The following AKAP13 variants were observed in gnomAD, a reference collection of about 807,000 sequenced individuals.
AKAP13 encodes A-kinase anchor protein 13.
In AKAP13, 80 loss-of-function variants were observed where a neutral mutation model predicts 264.5. The ratio of observed to expected loss-of-function variants is 0.30; its 90% CI spans 0.25 to 0.36. The LOEUF (loss-of-function observed/expected upper bound fraction) is 0.36. AKAP13 is among the 10% of genes least tolerant of loss of function. The pLI is 1.00. For synonymous variants in AKAP13, 1,380 were observed against 1,250.2 expected (o/e 1.10, Z -2.19); for missense variants, 3,712 against 3,435.2 (o/e 1.08, Z -2.01).
chr15:85,491,857 A>T (rs1455445664), intron 2 of AKAP13, among the ~76,000 whole-genome samples: 1 of 152,176 alleles, frequency 6.6e-6, no homozygotes, highest in Non-Finnish European at 1.5e-5. Flanking sequence ...ATAGTTAAGA[A>T]AGCACATTTG....
intron 1 of AKAP13, among the ~76,000 whole-genome samples, chr15:85,395,288 C>A (rs1335560687): frequency 6.6e-6 from 1 of 152,194 alleles, no homozygotes; most frequent in East Asian, 1.9e-4. Flanking sequence ...ACTTTTGCCT[C>A]TATCCAATAG....
intron 1 of AKAP13, among the ~76,000 whole-genome samples, chr15:85,457,167 A>T (rs1473973903): frequency 2.6e-5 from 4 of 152,222 alleles, no homozygotes; most frequent in Non-Finnish European, 5.9e-5. Flanking sequence ...ATCAGTTTTT[A>T]AAAAGTAACA....
chr15:85,742,450 G>C (rs1025336669), intron 35 of AKAP13, among the ~76,000 whole-genome samples: 2 of 152,196 alleles, frequency 1.3e-5, no homozygotes, highest in Admixed American at 1.3e-4. Flanking sequence ...TGGCAGGATC[G>C]GTGGGAGGCA....
chr15:85,592,969 A>G (rs2079646161), intron 8 of AKAP13, among the ~76,000 whole-genome samples: 1 of 152,156 alleles, frequency 6.6e-6, no homozygotes, highest in Non-Finnish European at 1.5e-5. Context: ...CCTTTGTGTA[A>G]TGGTTAATCT....
At chr15:85,453,125 G>T (rs1596229106) in intron 1 of AKAP13, among the ~76,000 whole-genome samples, 1 of 152,308 alleles carries the variant, frequency 6.6e-6, no homozygotes, top group Non-Finnish European at 1.5e-5. Flanking sequence ...ACTGCAGCTT[G>T]TTGGAGTGTG....
At position 85,722,220 on chromosome 15, in the gene AKAP13, T is replaced by C; in HGVS notation, c.6379-10T>C. 6.2e-7 allele frequency: 1 copy of C among 1,612,238 alleles called. No individual in the cohort carries two copies. The highest frequency in any genetic ancestry group is 8.5e-7 in the Non-Finnish European group (1 of 1,178,968). ...ATGTGATTCCTCACAGTCTGTTTACTCCCTTGCAGAAGAAGATGAGCAGTT... is the reference window on the plus strand; with the variant it reads ...ATGTGATTCCTCACAGTCTGTTTACCCCCTTGCAGAAGAAGATGAGCAGTT... On this transcript the variant is annotated splice_polypyrimidine_tract_variant and intron_variant, in intron 24 of 36. Coordinates refer to ENST00000394518, the MANE Select transcript of AKAP13 (RefSeq NM_007200.5).
chr15:85,439,518 C>G (rs2073514433), intron 1 of AKAP13, among the ~76,000 whole-genome samples: 2 of 151,062 alleles, frequency 1.3e-5, no homozygotes, highest in African/African-American at 4.9e-5. Flanking sequence ...GACACATGCA[C>G]ACGTATGTTT....
intron 8 of AKAP13, among the ~76,000 whole-genome samples, chr15:85,611,129 G>A (rs1454182954): frequency 1.3e-5 from 2 of 152,176 alleles, no homozygotes; most frequent in Admixed American, 6.5e-5. Flanking sequence ...TCTTGTATTT[G>A]CATGACGTTT....
intron 4 of AKAP13, chr15:85,535,431 TTTC>T (rs1480892318): frequency 2.0e-5 from 3 of 152,100 alleles, no homozygotes; most frequent in African/African-American, 2.4e-5. Flanking sequence ...GATTTATCCT[TTTC>T]TTCTTCTTTT....
chr15:85,403,974 G>A (rs891508414), intron 1 of AKAP13, among the ~76,000 whole-genome samples: 1 of 152,172 alleles, frequency 6.6e-6, no homozygotes, highest in African/African-American at 2.4e-5. Context: ...CCTGAGGCTT[G>A]AAGGATTGCT....
chr15:85,496,843 A>C (rs1019713704), intron 2 of AKAP13, among the ~76,000 whole-genome samples: 1 of 152,228 alleles, frequency 6.6e-6, no homozygotes, highest in Admixed American at 6.5e-5. Flanking sequence ...CCAGAAGAAT[A>C]AGGAAATCAA....
chr15:85,669,373 A>G (rs566643610), intron 13 of AKAP13, among the ~76,000 whole-genome samples: 1 of 152,366 alleles, frequency 6.6e-6, no homozygotes, highest in South Asian at 2.1e-4. Context: ...ATTATTTTTA[A>G]GTGATTATGC....
chr15:85,423,148 T>G (rs933335654), intron 1 of AKAP13, among the ~76,000 whole-genome samples: 7 of 152,240 alleles, frequency 4.6e-5, no homozygotes, highest in African/African-American at 1.7e-4. Flanking sequence ...GGCTGCTAAC[T>G]GATCAGGTGG....
chr15:85,426,950 G>GTT (rs1231055882), intron 1 of AKAP13, among the ~76,000 whole-genome samples: 2 of 128,484 alleles, frequency 1.6e-5, no homozygotes, highest in Non-Finnish European at 3.4e-5. Flanking sequence ...GTATTGTTTT[G>GTT]TTTTGTTTTT....
chr15:85,390,305 G>T (rs2070791421), intron 1 of AKAP13, among the ~76,000 whole-genome samples: 1 of 152,186 alleles, frequency 6.6e-6, no homozygotes, highest in African/African-American at 2.4e-5. Context: ...AGAGATTGGG[G>T]AGGTCAGACA....
intron 30 of AKAP13, among the ~76,000 whole-genome samples, chr15:85,733,873 C>CTTTTTTTTTTTT (rs72092500): frequency 9.7e-5 from 8 of 82,588 alleles, no homozygotes; most frequent in Non-Finnish European, 1.4e-4. Context: ...TCTTTCTTTT[C>CTTTTTTTTTTTT]TTTTTTTTTT....
chr15:85,443,761 A>G (rs972665451), intron 1 of AKAP13, among the ~76,000 whole-genome samples: 1 of 84,406 alleles, frequency 1.2e-5, no homozygotes, highest in Non-Finnish European at 3.3e-5. Flanking sequence ...GGTTTCATGT[A>G]AAAAAAAAAA....
rs576182387 is a variant in AKAP13, at chr15:85,388,210, A to AT, written c.-12+7425dup. 1.0e-3 allele frequency among the ~76,000 whole-genome samples: 142 copies of AT among 140,122 alleles called. 1 individual carries two copies. In the Middle Eastern group the frequency reaches 0.018, roughly 18 times the overall value. 91.9% of individuals were successfully genotyped at this position (140,122 alleles called of 152,430 possible). On this transcript the variant is annotated intron_variant, in intron 1 of 36. Coordinates refer to ENST00000394518, the MANE Select transcript of AKAP13 (RefSeq NM_007200.5). ...GTTGTCATGCCCGGCTAATTTTTGT[A>AT]TTTTTTTTTTTTTAAGTGGAGACTG...
At chr15:85,447,939 A>G (rs1466101801) in intron 1 of AKAP13, among the ~76,000 whole-genome samples, 2 of 152,200 alleles carry the variant, frequency 1.3e-5, no homozygotes, top group Non-Finnish European at 2.9e-5. Flanking sequence ...TCTTTGAGGA[A>G]TCGCTATACT....
Sources: allele counts gnomAD v4.1 joint callset (sites outside exome capture counted in the v4.1 genomes callset), GRCh38; gene constraint gnomAD v4.1.1; transcripts MANE v1.5; gene names NCBI Gene and HGNC (gene_info 2026-07-23, HGNC 2026-07-21).